The following ATP11B variants were observed in gnomAD, a reference collection of about 807,000 sequenced individuals.
ATP11B encodes the protein phospholipid-transporting ATPase IF.
Under a neutral mutation model 157.8 loss-of-function variants are expected in ATP11B, and 81 were observed. The ratio of observed to expected loss-of-function variants is 0.51; its 90% CI spans 0.43 to 0.62. ATP11B has a LOEUF of 0.62. Among genes scored for constraint, ATP11B ranks in the 20% least tolerant of loss-of-function variants. ATP11B has a pLI of 0.00. For missense variants in ATP11B, 1,165 were observed against 1,402.2 expected, an observed-to-expected ratio of 0.83 and a Z score of 2.70; for synonymous variants, 451 against 469.4, an observed-to-expected ratio of 0.96 and a Z score of 0.51.
chr3:182,866,571 C>T (rs1358736765), intron 14 of ATP11B, 128 bp downstream of exon 14: 2 of 711,342 alleles, frequency 2.8e-6, no homozygotes, highest in Non-Finnish European at 4.2e-6. Flanking sequence ...CATATAAATA[C>T]ATAAAAATAG....
chr3:182,870,923 G>A (rs540310680), intron 17 of ATP11B, among the ~76,000 whole-genome samples: 59 of 141,370 alleles, frequency 4.2e-4, no homozygotes, highest in African/African-American at 1.4e-3. Flanking sequence ...GCAAGTCTCC[G>A]TCTGAAAAAA....
At chr3:182,863,392 A>G (rs1186156491) in intron 12 of ATP11B, among the ~76,000 whole-genome samples, 2 of 151,098 alleles carry the variant, frequency 1.3e-5, no homozygotes, top group Non-Finnish European at 2.9e-5. Flanking sequence ...TTTTTTCTTC[A>G]TGATAGAATT....
chr3:182,914,222 A>G, intron 29 of ATP11B: 1 of 1,309,702 alleles, frequency 7.6e-7, no homozygotes, highest in Non-Finnish European at 9.7e-7. Flanking sequence ...GACTTCATCT[A>G]ATGAACAAAA....
At position 182,859,340 on chromosome 3, in the gene ATP11B, T is replaced by C; in HGVS notation, c.1181T>C (p.Leu394Pro). 1 of 1,601,520 alleles carries C rather than the reference T, an allele frequency of 6.2e-7. No individual in the cohort carries two copies. The highest frequency in any genetic ancestry group is 8.5e-7 in the Non-Finnish European group (1 of 1,173,296). The part of the protein sequence containing the change: ...DQKAQVNTSD[L>P]NEELGQVEYV... ...AAAGCTCAAGTCAATACTTCCGATCTGAATGAAGAGCTTGGACAGGTGAAA... is the reference window on the plus strand; with the variant it reads ...AAAGCTCAAGTCAATACTTCCGATCCGAATGAAGAGCTTGGACAGGTGAAA... The change falls in exon 12 of 30, where the codon CTG (leucine) becomes CCG (proline). Residue 394 changes from leucine (L) to proline (P), a missense_variant. This residue lies in a region of ATP11B where 737 missense variants were observed against 930.5 expected (regional missense o/e 0.79). Transcript: ENST00000323116.
At chr3:182,795,964 G>A (rs924731413) in intron 1 of ATP11B, among the ~76,000 whole-genome samples, 5 of 152,186 alleles carry the variant, frequency 3.3e-5, no homozygotes, top group African/African-American at 1.2e-4. Context: ...ACAGGTTGGA[G>A]TTATAAGCAT....
In ATP11B at chr3:182,905,197, T is replaced by G. The variant is rs921823671; in HGVS notation, c.3318+6425T>G. ...ATTCATTAAGGACATTGTCTTATAA[T>G]AAGATTTAAAATAAAGATGGCTATG... is the stretch of plus-strand genomic sequence containing the variant. On this transcript the variant is annotated intron_variant, in intron 28 of 29. Coordinates refer to ENST00000323116, the MANE Select transcript of ATP11B (RefSeq NM_014616.3). 4.7e-4 allele frequency among the ~76,000 whole-genome samples: 72 copies of G among 152,302 alleles called. 2 individuals are homozygous for G. Among genetic ancestry groups the G allele is most frequent in the South Asian group, 4.1e-4 (2 of 4,832 alleles).
chr3:182,872,874 C>T (rs1721767801), intron 18 of ATP11B, among the ~76,000 whole-genome samples: 1 of 152,228 alleles, frequency 6.6e-6, no homozygotes, highest in African/African-American at 2.4e-5. Context: ...TATGTTTCAA[C>T]AATACCAAAC....
At chr3:182,851,447 A>G (rs777708982) in intron 10 of ATP11B, among the ~76,000 whole-genome samples, 1 of 151,948 alleles carries the variant, frequency 6.6e-6, no homozygotes, top group Non-Finnish European at 1.5e-5. Context: ...TTTCTCTTTA[A>G]CTTCTTGTGA....
intron 1 of ATP11B, among the ~76,000 whole-genome samples, chr3:182,818,665 C>A (rs1197035175): frequency 3.3e-5 from 5 of 152,086 alleles, no homozygotes; most frequent in Non-Finnish European, 5.9e-5. Flanking sequence ...ACTTAATATT[C>A]CAATGGACTA....
At chr3:182,914,639 A>G (rs1317262571) in intron 29 of ATP11B, 12 of 985,360 alleles carry the variant, frequency 1.2e-5, no homozygotes, top group Non-Finnish European at 1.4e-5. Context: ...AAAGAATCTT[A>G]GCATTTTTGT....
At chr3:182,897,489 C>A in intron 27 of ATP11B, 83 bp downstream of exon 27, 3 of 973,508 alleles carry the variant, frequency 3.1e-6, no homozygotes, top group Non-Finnish European at 4.5e-6. Flanking sequence ...TGAACATATT[C>A]TGCTCATAAC....
chr3:182,920,225 G>A lies in ATP11B; in HGVS notation c.*2121G>A, dbSNP rs923570415. Reference sequence around the variant, plus strand: ...TAAAGTGTGATTGATGTAATTTTCTGTACTCACCATTTGAAGTTAGTTAAG... The same window carrying A: ...TAAAGTGTGATTGATGTAATTTTCTATACTCACCATTTGAAGTTAGTTAAG... On this transcript the variant is annotated 3_prime_UTR_variant, in exon 30 of 30. Transcript: ENST00000323116. 6.6e-6 allele frequency: 1 copy of A among 152,132 alleles called. No individual in the cohort carries two copies. Among genetic ancestry groups the A allele is most frequent in the Admixed American group, 6.5e-5 (1 of 15,268 alleles). The allele number at this position is 152,132 out of a possible 1,614,324, so 9.4% of individuals were successfully genotyped here.
intron 10 of ATP11B, among the ~76,000 whole-genome samples, chr3:182,851,260 C>T (rs1382594286): frequency 1.3e-5 from 2 of 152,150 alleles, no homozygotes; most frequent in African/African-American, 4.8e-5. Flanking sequence ...CACTGAACTC[C>T]AGCCTGGGTG....
At chr3:182,917,779 T>C in intron 29 of ATP11B, 1 of 985,110 alleles carries the variant, frequency 1.0e-6, no homozygotes, top group South Asian at 4.7e-5. Context: ...ACTGTTTTAA[T>C]GCTAATGAAT....
intron 25 of ATP11B, 27 bp downstream of exon 25, chr3:182,889,575 T>C: frequency 6.7e-7 from 1 of 1,501,806 alleles, no homozygotes; most frequent in East Asian, 2.6e-5. Context: ...TTTTAAAGAA[T>C]GCTTGTTAAT....
chr3:182,832,193 TAAGTAA>T (rs1382786815), intron 4 of ATP11B, among the ~76,000 whole-genome samples: 2 of 152,180 alleles, frequency 1.3e-5, no homozygotes, highest in African/African-American at 4.8e-5. Context: ...AAAATTGGTT[TAAGTAA>T]AAGTGAATAA....
At chr3:182,831,901 C>T (rs73883907) in intron 4 of ATP11B, among the ~76,000 whole-genome samples, 3,454 of 152,166 alleles carry the variant, frequency 0.023, 131 homozygotes, top group African/African-American at 0.08. Flanking sequence ...TATATACCTG[C>T]TTATTTCCCA....
intron 10 of ATP11B, among the ~76,000 whole-genome samples, chr3:182,854,891 A>G (rs1720262445): frequency 6.6e-6 from 1 of 152,190 alleles, no homozygotes; most frequent in African/African-American, 2.4e-5. Flanking sequence ...TTTTCAGCTG[A>G]AAATTACAAA....
chr3:182,902,608 C>T (rs767605303), intron 28 of ATP11B: 1 of 1,192,926 alleles, frequency 8.4e-7, no homozygotes, highest in African/African-American at 1.6e-5. Flanking sequence ...CTTCTGCATG[C>T]TAAAGGTCAA....
Sources: gnomAD v4.1 joint callset for allele counts (sites outside exome capture counted in the v4.1 genomes callset) on GRCh38, gnomAD v4.1.1 for gene constraint, gnomAD v4.1.1 regional missense constraint, MANE v1.5 for transcripts, NCBI Gene and HGNC (gene_info 2026-07-23, HGNC 2026-07-21) for gene names.